The following ASPH variants were observed in gnomAD, a reference collection of about 807,000 sequenced individuals.
The protein encoded by ASPH is aspartate beta-hydroxylase, also known as aspartyl/asparaginyl beta-hydroxylase.
ASPH carries 100 observed loss-of-function variants against 118.4 expected under a neutral mutation model. The observed-to-expected ratio is 0.84, with a 90% CI of 0.72 to 1.00. The LOEUF is 1.00. Among genes scored for constraint, ASPH ranks in the 50% least tolerant of loss-of-function variants. The pLI, the probability that ASPH is intolerant of heterozygous loss-of-function variation, is 0.00. For synonymous variants in ASPH, 315 were observed against 325.6 expected (o/e 0.97, Z 0.35); for missense variants, 920 against 919.5 (o/e 1.00, Z -0.01).
intron 2 of ASPH, chr8:61,682,568 T>G: frequency 7.9e-7 from 1 of 1,264,510 alleles, no homozygotes; most frequent in Admixed American, 1.7e-5. Context: ...ATACATTCCC[T>G]AACAACATAT....
intron 2 of ASPH, chr8:61,682,548 C>G (rs144336927): frequency 7.0e-7 from 1 of 1,435,446 alleles, no homozygotes; most frequent in East Asian, 2.3e-5. Context: ...TTAAAGTGTC[C>G]TCTTTTAAGA....
intron 21 of ASPH, 113 bp downstream of exon 21, chr8:61,547,958 C>G: frequency 7.1e-7 from 1 of 1,402,944 alleles, no homozygotes; most frequent in Non-Finnish European, 9.6e-7. Context: ...GCAAATGTCA[C>G]TAGAAATAAA....
At position 61,583,957 on chromosome 8, in the gene ASPH, T is replaced by C. The variant is rs760475788; in HGVS notation, c.1049A>G (p.Lys350Arg). Residue 350 changes from lysine (K) to arginine (R), a missense_variant, in exon 15 of 25, where the codon AAA (lysine) becomes AGA (arginine). Coordinates refer to ENST00000379454, the MANE Select transcript of ASPH (RefSeq NM_004318.4). The part of the protein sequence containing the change: ...TIKAELDAAE[K>R]LRKRGKIEEA... ...ATATCAACCTACCCTTTTACGGAGT[T>C]TTTCTGCAGCATCAAGTTCAGCTTT... 2.4e-5 allele frequency: 38 copies of C among 1,584,474 alleles called. No homozygotes were observed. The East Asian group carries it at 7.9e-4, about 33-fold the overall frequency.
intron 3 of ASPH, among the ~76,000 whole-genome samples, chr8:61,676,817 C>T (rs1186668403): frequency 6.6e-6 from 1 of 151,790 alleles, no homozygotes; most frequent in Admixed American, 6.6e-5. Flanking sequence ...CTTCTCCCCT[C>T]CCCCCACCAC....
At chr8:61,503,979 C>G (rs1393429389) in intron 24 of ASPH, among the ~76,000 whole-genome samples, 2 of 152,120 alleles carry the variant, frequency 1.3e-5, no homozygotes, top group African/African-American at 4.8e-5. Flanking sequence ...AAGCAGAAAA[C>G]TAAATTAGGA....
intron 14 of ASPH, among the ~76,000 whole-genome samples, chr8:61,604,434 T>C (rs541262579): frequency 1.2e-4 from 19 of 152,358 alleles, no homozygotes; most frequent in African/African-American, 4.6e-4. Flanking sequence ...TTAAAAATTA[T>C]AATTTCTTAT....
At chr8:61,654,318 T>A (rs1812556379) in intron 3 of ASPH, among the ~76,000 whole-genome samples, 1 of 152,208 alleles carries the variant, frequency 6.6e-6, no homozygotes, top group Non-Finnish European at 1.5e-5. Flanking sequence ...ATTAACTTAG[T>A]TATTTGAAGT....
chr8:61,639,053 C>T (rs141025484), intron 10 of ASPH, among the ~76,000 whole-genome samples: 4 of 152,292 alleles, frequency 2.6e-5, no homozygotes, highest in Non-Finnish European at 4.4e-5. Flanking sequence ...TACTATCTTT[C>T]AGACACTCTC....
At chr8:61,690,914 T>A (rs1175255378) in intron 1 of ASPH, among the ~76,000 whole-genome samples, 1 of 151,034 alleles carries the variant, frequency 6.6e-6, no homozygotes, top group South Asian at 2.1e-4. Flanking sequence ...CGTCTGAGAG[T>A]GTGTGTGTGT....
intron 14 of ASPH, chr8:61,607,438 C>A: frequency 1.7e-6 from 1 of 583,248 alleles, no homozygotes. Context: ...CTTATTCTAC[C>A]ATGACCAACT....
At chr8:61,505,467 C>T (rs1806120975) in intron 24 of ASPH, among the ~76,000 whole-genome samples, 2 of 134,386 alleles carry the variant, frequency 1.5e-5, no homozygotes, top group Admixed American at 1.7e-4. Context: ...GTGCTCCAGA[C>T]TGAGTGACAG....
intron 14 of ASPH, among the ~76,000 whole-genome samples, chr8:61,616,672 C>G (rs1234065359): frequency 6.6e-6 from 1 of 152,134 alleles, no homozygotes; most frequent in Non-Finnish European, 1.5e-5. Flanking sequence ...CTTCTTGGGC[C>G]CTTCTCTCTT....
At chr8:61,540,705 A>C (rs552639847) in intron 21 of ASPH, among the ~76,000 whole-genome samples, 1 of 152,200 alleles carries the variant, frequency 6.6e-6, no homozygotes, top group Non-Finnish European at 1.5e-5. Context: ...GGGAAAACAC[A>C]TATGATGCAT....
At chr8:61,555,640 C>T (rs1191136733) in intron 19 of ASPH, among the ~76,000 whole-genome samples, 1 of 152,156 alleles carries the variant, frequency 6.6e-6, no homozygotes, top group African/African-American at 2.4e-5. Flanking sequence ...TTTTGTCTGC[C>T]TTTGCCATTT....
chr8:61,590,608 C>T (rs1056928801), intron 14 of ASPH, among the ~76,000 whole-genome samples: 2 of 150,212 alleles, frequency 1.3e-5, no homozygotes, highest in South Asian at 4.2e-4. Context: ...CCCACTAGCC[C>T]ATCTGAAATG....
chr8:61,681,833 T>G (rs567708404), intron 2 of ASPH, among the ~76,000 whole-genome samples: 88 of 152,006 alleles, frequency 5.8e-4, no homozygotes, highest in Admixed American at 1.0e-3. Flanking sequence ...GTTATTTTGT[T>G]TAGCATTTCA....
In ASPH at chr8:61,677,087, G is replaced by C. The variant is rs571113080; in HGVS notation, c.322+3881C>G. Among the ~76,000 whole-genome samples, 4 of 152,164 alleles carry C rather than the reference G, an allele frequency of 2.6e-5. No individual in the cohort carries two copies. The South Asian group carries it at 8.3e-4, about 32-fold the overall frequency. On this transcript the variant is annotated intron_variant, in intron 3 of 24. Coordinates refer to ENST00000379454, the MANE Select transcript of ASPH (RefSeq NM_004318.4). ...CACTTTGCCTACCGATATGAAATGT[G>C]ATCAAGGCCTTAGCTGGTCACTTGC... is the stretch of plus-strand genomic sequence containing the variant.
chr8:61,524,058 G>A (rs1586516769), intron 22 of ASPH, among the ~76,000 whole-genome samples: 1 of 152,218 alleles, frequency 6.6e-6, no homozygotes, highest in African/African-American at 2.4e-5. Flanking sequence ...GCCAACCTGG[G>A]CAAGAGAGCA....
intron 14 of ASPH, among the ~76,000 whole-genome samples, chr8:61,605,696 G>C (rs1845352746): frequency 6.6e-6 from 1 of 152,138 alleles, no homozygotes; most frequent in Non-Finnish European, 1.5e-5. Flanking sequence ...GGGCTCATAA[G>C]AGCCTTGACC....
Sources: allele counts gnomAD v4.1 joint callset (sites outside exome capture counted in the v4.1 genomes callset), GRCh38; gene constraint gnomAD v4.1.1; transcripts MANE v1.5; gene names NCBI Gene and HGNC (gene_info 2026-07-23, HGNC 2026-07-21).